The following MAP3K13 variants were observed in gnomAD, a reference collection of about 807,000 sequenced individuals.
MAP3K13 encodes leucine zipper-bearing kinase.
In MAP3K13, 52 loss-of-function variants were observed where a neutral mutation model predicts 104.0. That is an observed-to-expected ratio of 0.50 (90% confidence interval 0.40 to 0.63). MAP3K13 has a LOEUF of 0.63. Among genes scored for constraint, MAP3K13 ranks in the 20% least tolerant of loss-of-function variants. The pLI is 0.00. For missense variants in MAP3K13, 914 were observed against 1,218.5 expected (o/e 0.75, Z 3.72); for synonymous variants, 394 against 442.2 (o/e 0.89, Z 1.37).
intron 4 of MAP3K13, among the ~76,000 whole-genome samples, chr3:185,446,266 T>G (rs1001500776): frequency 2.0e-5 from 3 of 151,900 alleles, no homozygotes; most frequent in African/African-American, 7.3e-5. Flanking sequence ...TCATTTTTTT[T>G]TTTTTTTGAG....
intron 1 of MAP3K13, among the ~76,000 whole-genome samples, chr3:185,379,143 C>T (rs1724583651): frequency 6.6e-6 from 1 of 152,112 alleles, no homozygotes; most frequent in African/African-American, 2.4e-5. Context: ...ATTGACTTGC[C>T]ACCAAGGGAA....
intron 2 of MAP3K13, among the ~76,000 whole-genome samples, chr3:185,348,209 T>C (rs1050211281): frequency 2.0e-5 from 3 of 152,176 alleles, no homozygotes; most frequent in Admixed American, 6.5e-5. Flanking sequence ...TACTTTTTCC[T>C]CCTACCTCTC....
At chr3:185,439,420 CA>C in intron 3 of MAP3K13, among the ~76,000 whole-genome samples, 1 of 152,068 alleles carries the variant, frequency 6.6e-6, no homozygotes, top group East Asian at 1.9e-4. Context: ...TTATTTCAAG[CA>C]GACAGACAAA....
At chr3:185,414,071 G>C (rs1713605018) in intron 1 of MAP3K13, among the ~76,000 whole-genome samples, 1 of 152,084 alleles carries the variant, frequency 6.6e-6, no homozygotes, top group African/African-American at 2.4e-5. Flanking sequence ...TCAGGCTCTG[G>C]TGCTGGAGTG....
chr3:185,476,851 A>G (rs1039325418), intron 11 of MAP3K13, among the ~76,000 whole-genome samples: 7 of 152,232 alleles, frequency 4.6e-5, no homozygotes, highest in African/African-American at 1.7e-4. Context: ...CTGACCCTCA[A>G]AAATGTCTAT....
chr3:185,478,218 G>A (rs570699264), intron 12 of MAP3K13, among the ~76,000 whole-genome samples: 2 of 152,150 alleles, frequency 1.3e-5, no homozygotes, highest in East Asian at 3.9e-4. Flanking sequence ...AGTCAATAAG[G>A]GCCATCTCCC....
At chr3:185,474,328 A>AAAAC (rs1037149608) in intron 11 of MAP3K13, among the ~76,000 whole-genome samples, 1 of 152,208 alleles carries the variant, frequency 6.6e-6, no homozygotes, top group South Asian at 2.1e-4. Context: ...TCTGTCTCAA[A>AAAAC]AAACAAACAA....
intron 1 of MAP3K13, among the ~76,000 whole-genome samples, chr3:185,394,596 G>T (rs1712270487): frequency 6.6e-6 from 1 of 152,182 alleles, no homozygotes; most frequent in African/African-American, 2.4e-5. Flanking sequence ...TACTACGTAA[G>T]TATACCAGTT....
chr3:185,294,845 T>C (rs894237944), intron 2 of MAP3K13, among the ~76,000 whole-genome samples: 15 of 152,206 alleles, frequency 9.9e-5, no homozygotes, highest in African/African-American at 3.6e-4. Context: ...CTCATGAAAC[T>C]AATCCATTGC....
intron 2 of MAP3K13, among the ~76,000 whole-genome samples, chr3:185,310,379 C>T (rs901089335): frequency 2.6e-5 from 4 of 151,752 alleles, no homozygotes; most frequent in Non-Finnish European, 5.9e-5. Context: ...TGAAAAAAAA[C>T]ACAACCATTT....
chr3:185,335,505 G>A (rs1345163182), intron 2 of MAP3K13, among the ~76,000 whole-genome samples: 1 of 152,132 alleles, frequency 6.6e-6, no homozygotes, highest in East Asian at 1.9e-4. Context: ...GAGGGGCAAA[G>A]AGTGACTAAA....
intron 1 of MAP3K13, among the ~76,000 whole-genome samples, chr3:185,421,293 G>A (rs1437910469): frequency 6.6e-6 from 1 of 151,996 alleles, no homozygotes; most frequent in African/African-American, 2.4e-5. Flanking sequence ...TCCTGCCTGG[G>A]TTCAAGCAAT....
In MAP3K13 at chr3:185,389,328, T is replaced by A. The variant is rs182001181; in HGVS notation, c.-86+25960T>A. 4.8e-3 allele frequency among the ~76,000 whole-genome samples: 730 copies of A among 152,282 alleles called. 10 individuals are homozygous for A. Among genetic ancestry groups the A allele is most frequent in the African/African-American group, 0.016 (677 of 41,564 alleles). On this transcript the variant is annotated intron_variant, in intron 1 of 13. Transcript: ENST00000265026. ...ATTTCCATTTATTAGCTGTATGCCTTGGGTAAGTTATTTAAAGTCTCTAAG... is the reference window on the plus strand; with the variant it reads ...ATTTCCATTTATTAGCTGTATGCCTAGGGTAAGTTATTTAAAGTCTCTAAG...
chr3:185,400,905 G>GTTTTTTTT (rs71164506), intron 1 of MAP3K13, among the ~76,000 whole-genome samples: 184 of 107,190 alleles, frequency 1.7e-3, no homozygotes, highest in East Asian at 3.8e-3. Context: ...GTGTTTGTTT[G>GTTTTTTTT]TTTTTTTTTT....
At chr3:185,475,961 C>A (rs1718098516) in intron 11 of MAP3K13, among the ~76,000 whole-genome samples, 1 of 152,156 alleles carries the variant, frequency 6.6e-6, no homozygotes, top group Non-Finnish European at 1.5e-5. Flanking sequence ...TTTTTGATAA[C>A]TTCTTTATTA....
intron 2 of MAP3K13, among the ~76,000 whole-genome samples, chr3:185,337,773 G>C (rs746034888): frequency 2.6e-5 from 4 of 151,814 alleles, no homozygotes; most frequent in Non-Finnish European, 4.4e-5. Flanking sequence ...CTCACCTCTA[G>C]GCTGTCTTTC....
intron 12 of MAP3K13, among the ~76,000 whole-genome samples, chr3:185,478,591 T>TA: frequency 6.6e-6 from 1 of 152,176 alleles, no homozygotes; most frequent in African/African-American, 2.4e-5. Flanking sequence ...TCATATGGCA[T>TA]AAAATCTCTT....
chr3:185,354,682 C>G (rs1172405348), intron 2 of MAP3K13, among the ~76,000 whole-genome samples: 1 of 151,838 alleles, frequency 6.6e-6, no homozygotes, highest in Non-Finnish European at 1.5e-5. Context: ...TTCTTGCCCC[C>G]AAATTTCAGT....
intron 2 of MAP3K13, among the ~76,000 whole-genome samples, chr3:185,313,481 G>A (rs994546027): frequency 6.6e-6 from 1 of 151,892 alleles, no homozygotes; most frequent in African/African-American, 2.4e-5. Context: ...GTGTTAGCCA[G>A]GATGGTCTCG....
Sources: allele counts gnomAD v4.1 joint callset (sites outside exome capture counted in the v4.1 genomes callset), GRCh38; gene constraint gnomAD v4.1.1; transcripts MANE v1.5; gene names NCBI Gene and HGNC (gene_info 2026-07-23, HGNC 2026-07-21).